Variants in CENPW observed in about 807,000 individuals in gnomAD.
CENPW encodes cancer-up-regulated gene 2 protein.
A neutral mutation model predicts 11.1 loss-of-function variants in CENPW; 3 were observed. That is an observed-to-expected ratio of 0.27 (90% confidence interval 0.12 to 0.70). The LOEUF is 0.70. Among genes scored for constraint, CENPW ranks in the 30% least tolerant of loss-of-function variants. The pLI is 0.77. For synonymous variants in CENPW, 38 were observed against 42.0 expected, an observed-to-expected ratio of 0.91 and a Z score of 0.37; for missense variants, 100 against 105.6, an observed-to-expected ratio of 0.95 and a Z score of 0.23.
the CENPW span, among the ~76,000 whole-genome samples, chr6:126,450,957 A>G: frequency 6.6e-6 from 1 of 150,984 alleles, no homozygotes; most frequent in Non-Finnish European, 1.5e-5. Context: ...TATATAAAAA[A>G]CAGTATATAA....
the CENPW span, among the ~76,000 whole-genome samples, chr6:126,371,012 C>T: frequency 3.3e-3 from 498 of 152,238 alleles, 3 homozygotes; most frequent in African/African-American, 0.011. Flanking sequence ...AGGTAATCCA[C>T]CCGCCCTGCC....
the CENPW span, among the ~76,000 whole-genome samples, chr6:126,468,571 T>C: frequency 1.3e-5 from 2 of 151,996 alleles, no homozygotes; most frequent in East Asian, 1.9e-4. Context: ...TAATGTATCA[T>C]TGTTAGTTTA....
At chr6:126,414,427 C>T in the CENPW span, among the ~76,000 whole-genome samples, 78 of 152,208 alleles carry the variant, frequency 5.1e-4, no homozygotes, top group Non-Finnish European at 6.2e-4. Flanking sequence ...TCAACAAATC[C>T]TTTTTAAAAT....
At chr6:126,382,370 C>CTCAAAAAGCCAGAAG in the CENPW span, among the ~76,000 whole-genome samples, 1 of 152,082 alleles carries the variant, frequency 6.6e-6, no homozygotes, top group Non-Finnish European at 1.5e-5. Context: ...ACTCTGACAA[C>CTCAAAAAGCCAGAAG]TCAAAAAGCC....
intron 2 of CENPW, among the ~76,000 whole-genome samples, chr6:126,347,080 A>G (rs955979432): frequency 1.3e-5 from 2 of 152,202 alleles, no homozygotes; most frequent in Non-Finnish European, 2.9e-5. Flanking sequence ...TTTCCAAATG[A>G]TGTTAATCAA....
chr6:126,374,558 G>A, the CENPW span, among the ~76,000 whole-genome samples: 1 of 152,182 alleles, frequency 6.6e-6, no homozygotes, highest in Non-Finnish European at 1.5e-5. Context: ...GTAGAGTACA[G>A]ATTTGTGGCA....
At chr6:126,372,755 A>G in the CENPW span, among the ~76,000 whole-genome samples, 1 of 152,218 alleles carries the variant, frequency 6.6e-6, no homozygotes, top group South Asian at 2.1e-4. Context: ...TGTCTAGCCA[A>G]AAGATTGAAT....
At chr6:126,364,909 A>G in the CENPW span, among the ~76,000 whole-genome samples, 1 of 152,226 alleles carries the variant, frequency 6.6e-6, no homozygotes, top group Non-Finnish European at 1.5e-5. Context: ...TAGTCCCCAC[A>G]AAAGCCTGTA....
chr6:126,440,233 G>T, the CENPW span, among the ~76,000 whole-genome samples: 889 of 151,636 alleles, frequency 5.9e-3, 7 homozygotes, highest in Non-Finnish European at 0.01. Context: ...TGTTTCCTAA[G>T]CTCTAAACGT....
chr6:126,373,093 A>T, the CENPW span, among the ~76,000 whole-genome samples: 1 of 152,228 alleles, frequency 6.6e-6, no homozygotes, highest in Non-Finnish European at 1.5e-5. Context: ...AATGTACAAG[A>T]TATAAATGGT....
the CENPW span, among the ~76,000 whole-genome samples, chr6:126,453,030 T>A: frequency 6.6e-6 from 1 of 151,176 alleles, no homozygotes; most frequent in African/African-American, 2.4e-5. Context: ...TCAAACTCTT[T>A]ATTCAGCAAA....
chr6:126,354,026 C>T, the CENPW span, among the ~76,000 whole-genome samples: 1 of 151,690 alleles, frequency 6.6e-6, no homozygotes, highest in Non-Finnish European at 1.5e-5. Context: ...TATTTATTTT[C>T]ACGTAATTAT....
At chr6:126,466,758 G>C in the CENPW span, among the ~76,000 whole-genome samples, 1 of 151,934 alleles carries the variant, frequency 6.6e-6, no homozygotes, top group African/African-American at 2.4e-5. Context: ...TGACCCAAAA[G>C]CTCCTTCAGC....
At chr6:126,363,143 C>T in the CENPW span, among the ~76,000 whole-genome samples, 1 of 152,082 alleles carries the variant, frequency 6.6e-6, no homozygotes, top group Non-Finnish European at 1.5e-5. Flanking sequence ...TCTGGGATTT[C>T]TGTGTTGAGT....
the CENPW span, among the ~76,000 whole-genome samples, chr6:126,385,152 C>T: frequency 7.8e-4 from 119 of 152,224 alleles, no homozygotes; most frequent in African/African-American, 2.6e-3. Context: ...TTACACACTT[C>T]TGATGGGAAT....
the CENPW span, among the ~76,000 whole-genome samples, chr6:126,422,481 T>C: frequency 2.0e-5 from 3 of 152,096 alleles, no homozygotes; most frequent in African/African-American, 4.8e-5. Flanking sequence ...GTTTTCATTA[T>C]TTGTGTGCAT....
the CENPW span, among the ~76,000 whole-genome samples, chr6:126,447,175 T>G: frequency 1.7e-4 from 25 of 151,122 alleles, no homozygotes; most frequent in Non-Finnish European, 2.8e-4. Context: ...CTCCAGAGAT[T>G]CAGACTCAGT....
chr6:126,359,271 G>T, the CENPW span, among the ~76,000 whole-genome samples: 8 of 151,458 alleles, frequency 5.3e-5, no homozygotes, highest in Admixed American at 3.9e-4. Flanking sequence ...ATTGCACTGT[G>T]GTCTGAGAGT....
chr6:126,434,136 T>A, the CENPW span, among the ~76,000 whole-genome samples: 1 of 152,164 alleles, frequency 6.6e-6, no homozygotes, highest in Non-Finnish European at 1.5e-5. Flanking sequence ...TTCCCATATG[T>A]GTTCCAGGAA....
Sources: gnomAD v4.1 joint callset for allele counts (sites outside exome capture counted in the v4.1 genomes callset) on GRCh38, gnomAD v4.1.1 for gene constraint, MANE v1.5 for transcripts, NCBI Gene and HGNC (gene_info 2026-07-23, HGNC 2026-07-21) for gene names.